Variants in MARCHF1 observed in about 807,000 individuals in gnomAD.
MARCHF1 encodes the protein E3 ubiquitin-protein ligase MARCHF1.
Under a neutral mutation model 54.2 loss-of-function variants are expected in MARCHF1, and 40 were observed. The ratio of observed to expected loss-of-function variants is 0.74; its 90% CI spans 0.57 to 0.96. The LOEUF (loss-of-function observed/expected upper bound fraction) is 0.96. Ranked by LOEUF, MARCHF1 falls within the 40% of genes least tolerant of loss-of-function variation. The pLI is 0.00. For missense variants in MARCHF1, 586 were observed against 656.5 expected, an observed-to-expected ratio of 0.89 and a Z score of 1.17; for synonymous variants, 236 against 236.3, an observed-to-expected ratio of 1.00 and a Z score of 0.01.
chr4:164,132,423 C>A lies in MARCHF1; in HGVS notation c.-322-20761G>T, dbSNP rs72985854. On this transcript the variant is annotated intron_variant, in intron 1 of 9. Coordinates refer to ENST00000514618, the MANE Select transcript of MARCHF1 (RefSeq NM_001394959.1). ...ATTAAATGTAGATGTTTGATTAGAT[C>A]ATGGTTGACATTGTTGGCAAGAATA... Among the ~76,000 whole-genome samples, 881 of 152,210 alleles carry A rather than the reference C, an allele frequency of 5.8e-3. 11 individuals carry two copies. The highest frequency in any genetic ancestry group is 0.02 in the African/African-American group (851 of 41,532).
At chr4:163,686,733 C>T (rs544455586) in intron 5 of MARCHF1, among the ~76,000 whole-genome samples, 1 of 152,032 alleles carries the variant, frequency 6.6e-6, no homozygotes, top group South Asian at 2.1e-4. Flanking sequence ...AAAGAAAAGA[C>T]TCAACTGACA....
chr4:164,276,418 C>T (rs548215278), intron 1 of MARCHF1, among the ~76,000 whole-genome samples: 2 of 152,250 alleles, frequency 1.3e-5, no homozygotes, highest in South Asian at 2.1e-4. Context: ...TCACTCTATA[C>T]TATCTCTGTT....
In MARCHF1 at chr4:163,909,970, A is replaced by G. The variant is rs149885155; in HGVS notation, c.-38-55801T>C. Among the ~76,000 whole-genome samples the G allele has an allele frequency of 5.3e-5, 8 of 152,304 alleles. No homozygotes were observed. The East Asian group carries it at 1.2e-3, about 22-fold the overall frequency. On this transcript the variant is annotated intron_variant, in intron 3 of 9. Coordinates refer to ENST00000514618, the MANE Select transcript of MARCHF1 (RefSeq NM_001394959.1). ...GTTGAATCAACTTTTTAAAACATTT[A>G]TCAACAATTTTTTCTCATTAGAGTA...
At chr4:164,250,040 C>A (rs1386881018) in intron 1 of MARCHF1, among the ~76,000 whole-genome samples, 1 of 152,034 alleles carries the variant, frequency 6.6e-6, no homozygotes, top group Non-Finnish European at 1.5e-5. Context: ...AAGTTATCTG[C>A]CCAGGAGCAC....
intron 1 of MARCHF1, among the ~76,000 whole-genome samples, chr4:164,293,059 T>C (rs1247912429): frequency 6.6e-6 from 1 of 152,170 alleles, no homozygotes; most frequent in African/African-American, 2.4e-5. Context: ...TTACCAATGA[T>C]TTTTATTGTT....
At chr4:163,997,954 A>G (rs940802867) in intron 2 of MARCHF1, among the ~76,000 whole-genome samples, 1 of 142,254 alleles carries the variant, frequency 7.0e-6, no homozygotes, top group Non-Finnish European at 1.6e-5. Flanking sequence ...ACACACACAC[A>G]CACGTAGATT....
rs142241623 is a variant in MARCHF1, at chr4:163,933,780, G to T, written c.-39+54721C>A. On this transcript the variant is annotated intron_variant, in intron 3 of 9. Coordinates refer to ENST00000514618, the MANE Select transcript of MARCHF1 (RefSeq NM_001394959.1). ...AAGCCCTTGCCATTTCTGGCTGGAG[G>T]TCACAAATTGAAATGCCTCCTGTAT... 4.1e-4 allele frequency among the ~76,000 whole-genome samples: 62 copies of T among 152,278 alleles called. No homozygotes were observed. In the East Asian group the frequency reaches 9.9e-3, roughly 24 times the overall value.
intron 5 of MARCHF1, among the ~76,000 whole-genome samples, chr4:163,693,166 T>G (rs2111207249): frequency 6.6e-6 from 1 of 151,436 alleles, no homozygotes; most frequent in Middle Eastern, 3.4e-3. Context: ...TCTGAATGCT[T>G]TGTTAGGATA....
At chr4:163,636,154 A>T (rs1403162184) in intron 5 of MARCHF1, among the ~76,000 whole-genome samples, 1 of 152,200 alleles carries the variant, frequency 6.6e-6, no homozygotes, top group Non-Finnish European at 1.5e-5. Flanking sequence ...AATGGGAAAA[A>T]ACTGGAAGCA....
intron 1 of MARCHF1, among the ~76,000 whole-genome samples, chr4:164,113,935 CAA>C (rs1331703634): frequency 6.6e-6 from 1 of 151,790 alleles, no homozygotes; most frequent in African/African-American, 2.4e-5. Flanking sequence ...TGTTTAACCC[CAA>C]AATAGGAGAC....
chr4:163,568,986 G>A (rs1044141709), intron 8 of MARCHF1, among the ~76,000 whole-genome samples: 14 of 152,144 alleles, frequency 9.2e-5, no homozygotes, highest in African/African-American at 3.4e-4. Flanking sequence ...GGGCCAAGTA[G>A]GTTTCTCCTC....
At chr4:164,266,708 CA>C (rs1366383482) in intron 1 of MARCHF1, among the ~76,000 whole-genome samples, 1 of 152,072 alleles carries the variant, frequency 6.6e-6, no homozygotes, top group Non-Finnish European at 1.5e-5. Flanking sequence ...CATATGAAAA[CA>C]AGAGATAAAT....
intron 1 of MARCHF1, among the ~76,000 whole-genome samples, chr4:164,370,618 G>A (rs1731010285): frequency 6.6e-6 from 1 of 152,086 alleles, no homozygotes; most frequent in African/African-American, 2.4e-5. Context: ...ATTTAAAAAA[G>A]CAAATTATGG....
intron 4 of MARCHF1, among the ~76,000 whole-genome samples, chr4:163,808,225 A>G (rs987648548): frequency 2.6e-4 from 39 of 152,184 alleles, no homozygotes; most frequent in African/African-American, 8.0e-4. Context: ...TGAAATGTCA[A>G]TTTCACTAAT....
chr4:163,638,294 G>A (rs1256714062), intron 5 of MARCHF1, among the ~76,000 whole-genome samples: 1 of 151,716 alleles, frequency 6.6e-6, no homozygotes, highest in Non-Finnish European at 1.5e-5. Context: ...TGTTGGAGGT[G>A]GGGCTGGTGA....
At chr4:163,885,501 C>G (rs749614288) in intron 3 of MARCHF1, among the ~76,000 whole-genome samples, 2 of 152,006 alleles carry the variant, frequency 1.3e-5, no homozygotes, top group African/African-American at 4.8e-5. Flanking sequence ...ATAGTCAGAT[C>G]TTAAAAAGAG....
At chr4:164,164,966 A>G (rs1430998) in intron 1 of MARCHF1, among the ~76,000 whole-genome samples, 28,956 of 151,912 alleles carry the variant, frequency 0.19, 4,399 homozygotes, top group African/African-American at 0.41. Context: ...TCAGCATAAG[A>G]AAAAGAAGCT....
At chr4:163,885,554 T>A (rs917504242) in intron 3 of MARCHF1, among the ~76,000 whole-genome samples, 18 of 152,168 alleles carry the variant, frequency 1.2e-4, no homozygotes, top group Non-Finnish European at 2.2e-4. Context: ...ATTTGAAAGA[T>A]GTTTCCTGTC....
chr4:163,761,755 T>A (rs2110827518), intron 4 of MARCHF1, among the ~76,000 whole-genome samples: 1 of 151,094 alleles, frequency 6.6e-6, no homozygotes, highest in South Asian at 2.1e-4. Flanking sequence ...ATGAGAACAT[T>A]TATGATCTAA....
Sources: allele counts gnomAD v4.1 joint callset (sites outside exome capture counted in the v4.1 genomes callset), GRCh38; gene constraint gnomAD v4.1.1; transcripts MANE v1.5; gene names NCBI Gene and HGNC (gene_info 2026-07-23, HGNC 2026-07-21).